Variants in GDF11 observed in about 807,000 individuals in gnomAD.
GDF11 encodes growth/differentiation factor 11.
A neutral mutation model predicts 34.4 loss-of-function variants in GDF11; 12 were observed. That is an observed-to-expected ratio of 0.35 (90% CI 0.22 to 0.57). GDF11 has a LOEUF of 0.57. GDF11 is among the 20% of genes least tolerant of loss of function. The probability of loss-of-function intolerance (pLI) is 0.86; values close to 1 mark genes in which losing one functional copy is unlikely to be tolerated. For synonymous variants in GDF11, 212 were observed against 231.1 expected (o/e 0.92, Z 0.75); for missense variants, 346 against 548.2 (o/e 0.63, Z 3.68).
Position 55,743,478 on chromosome 12 carries a change from C to A in GDF11, c.162C>A (p.Ser54=), listed in dbSNP as rs1324231691. The A allele has an allele frequency of 7.3e-6, 11 of 1,502,118 alleles. No homozygotes were observed. The highest frequency in any genetic ancestry group is 2.8e-5 in the African/African-American group (2 of 71,022). 93.0% of individuals were successfully genotyped at this position (1,502,118 alleles called of 1,614,324 possible). ...AGCGCTCCAGCCGGCCAGCCCCGTC[C>A]GTGGCGCCCGAGCCGGACGGCTGCC... ...GGERSSRPAP[S]VAPEPDGCPV... Residue 54 remains serine (S), a synonymous_variant, in exon 1 of 3, where the codon TCC becomes TCA. Transcript: ENST00000257868.
rs1878502135 is a variant in GDF11 at position 55,756,228 on chromosome 12, C to G, written c.*6346C>G. Reference sequence around the variant, plus strand: ...AAGGTTTATTTGGTTGAAGAGGTGTCAAAAATTTAACCAGCATTCCCTTTT... The same window carrying G: ...AAGGTTTATTTGGTTGAAGAGGTGTGAAAAATTTAACCAGCATTCCCTTTT... On this transcript the variant is annotated 3_prime_UTR_variant, in exon 3 of 3. Coordinates refer to ENST00000257868, the MANE Select transcript of GDF11 (RefSeq NM_005811.5). 1 of 152,134 alleles carries G rather than the reference C, an allele frequency of 6.6e-6. No individual in the cohort carries two copies. Among genetic ancestry groups the G allele is most frequent in the Non-Finnish European group, 1.5e-5 (1 of 68,018 alleles). The allele number at this position is 152,134 out of a possible 1,614,324, so 9.4% of individuals were successfully genotyped here. A position where few individuals can be genotyped will look rare whatever the true frequency, so the allele number is the denominator to read the frequency against.
intron 1 of GDF11, among the ~76,000 whole-genome samples, chr12:55,746,389 C>T (rs1005849035): frequency 2.0e-5 from 3 of 152,196 alleles, no homozygotes; most frequent in Non-Finnish European, 4.4e-5. Flanking sequence ...CCATGATTAT[C>T]CCCTGCATCT....
In GDF11 at chr12:55,743,343, G is replaced by A. The variant is rs1394590718; in HGVS notation, c.27G>A (p.Leu9=). ...TGGTGCTCGCGGCCCCGCTGCTGCT[G>A]GGCTTCCTGCTCCTCGCCCTGGAGC... MVLAAPLL[L]GFLLLALELR... The change falls in exon 1 of 3, where the codon CTG becomes CTA. Residue 9 remains leucine (L), a synonymous_variant. Coordinates refer to ENST00000257868, the MANE Select transcript of GDF11 (RefSeq NM_005811.5). 1.3e-5 allele frequency: 13 copies of A among 986,098 alleles called. No homozygotes were observed. The highest frequency in any genetic ancestry group is 1.8e-5 in the African/African-American group (1 of 56,650). The allele number at this position is 986,098 out of a possible 1,614,324, so 61.1% of individuals were successfully genotyped here.
chr12:55,745,127 G>A (rs1878152876), intron 1 of GDF11, among the ~76,000 whole-genome samples: 1 of 152,110 alleles, frequency 6.6e-6, no homozygotes, highest in East Asian at 1.9e-4. Flanking sequence ...GTCAGTCTCA[G>A]ATCGACTGAG....
chr12:55,743,243 C>G lies in GDF11; in HGVS notation c.-74C>G, dbSNP rs956701585. ...CGCCCGGACCCCCTCCTCCTCCCTCCCTCCTCCCTCCGCCCCCTCCCCGCG... is the reference window on the plus strand; with the variant it reads ...CGCCCGGACCCCCTCCTCCTCCCTCGCTCCTCCCTCCGCCCCCTCCCCGCG... On this transcript the variant is annotated 5_prime_UTR_variant, in exon 1 of 3. Coordinates refer to ENST00000257868, the MANE Select transcript of GDF11 (RefSeq NM_005811.5). 4.3e-6 allele frequency: 2 copies of G among 468,686 alleles called. No individual in the cohort carries two copies. Among genetic ancestry groups the G allele is most frequent in the Non-Finnish European group, 5.5e-6 (2 of 360,956 alleles). The allele number at this position is 468,686 out of a possible 1,614,324, so 29.0% of individuals were successfully genotyped here.
chr12:55,749,115 T>C lies in GDF11; in HGVS notation c.843+132T>C. The C allele has an allele frequency of 1.1e-6, 1 of 928,984 alleles. No homozygotes were observed. Among genetic ancestry groups the C allele is most frequent in the Non-Finnish European group, 1.6e-6 (1 of 636,522 alleles). The allele number at this position is 928,984 out of a possible 1,614,324, so 57.5% of individuals were successfully genotyped here. On this transcript the variant is annotated intron_variant, in intron 2 of 2. Transcript: ENST00000257868. The surrounding 1 kb of genome is among the most constrained non-coding windows in gnomAD (Gnocchi z 5.6). ...TTACTTCTCTGGGGTCAGCAGCTGA[T>C]TCTAGAGGAGGAGGTGAGGAGTGGG... is the stretch of plus-strand genomic sequence containing the variant.
Position 55,743,648 on chromosome 12 carries a change from A to T in GDF11, c.332A>T (p.Gln111Leu). Residue 111 changes from glutamine to leucine, a missense_variant, in exon 1 of 3, where the codon CAG becomes CTG. Coordinates refer to ENST00000257868, the MANE Select transcript of GDF11 (RefSeq NM_005811.5). ...CTGCTGCCCAAGGCGCCGCCGCTGC[A>T]GCAGATCCTGGACCTACACGACTTC... ...KQLLPKAPPL[Q>L]QILDLHDFQG... 1 of 1,604,594 alleles carries T rather than the reference A, an allele frequency of 6.2e-7. No homozygotes were observed. The highest frequency in any genetic ancestry group is 8.5e-7 in the Non-Finnish European group (1 of 1,179,770).
rs1878362666 is a variant in GDF11 at position 55,752,688 on chromosome 12, A to G, written c.*2806A>G. On this transcript the variant is annotated 3_prime_UTR_variant, in exon 3 of 3. Coordinates refer to ENST00000257868, the MANE Select transcript of GDF11 (RefSeq NM_005811.5). ...CTGACAGGGGCATTGGAATGCCAGGAAAGAACTTCTTCAACTGAGATCAAG... is the reference window on the plus strand; with the variant it reads ...CTGACAGGGGCATTGGAATGCCAGGGAAGAACTTCTTCAACTGAGATCAAG... 6.6e-6 allele frequency: 1 copy of G among 152,220 alleles called. No individual in the cohort carries two copies. The highest frequency in any genetic ancestry group is 2.1e-4 in the South Asian group (1 of 4,824). The allele number at this position is 152,220 out of a possible 1,614,324, so 9.4% of individuals were successfully genotyped here. A position where few individuals can be genotyped will look rare whatever the true frequency, so the allele number is the denominator to read the frequency against.
At chr12:55,744,120 G>A (rs1033914216) in intron 1 of GDF11, among the ~76,000 whole-genome samples, 1 of 152,154 alleles carries the variant, frequency 6.6e-6, no homozygotes, top group Admixed American at 6.5e-5. Flanking sequence ...AACAGAATCG[G>A]GAGGCTGCAG....
intron 1 of GDF11, among the ~76,000 whole-genome samples, chr12:55,747,805 A>T (rs1592544337): frequency 6.6e-6 from 1 of 152,186 alleles, no homozygotes; most frequent in Non-Finnish European, 1.5e-5. Flanking sequence ...CATTGTAGTT[A>T]ATCTGGTGTA....
chr12:55,745,847 A>G (rs947763877), intron 1 of GDF11, among the ~76,000 whole-genome samples: 6 of 151,042 alleles, frequency 4.0e-5, no homozygotes, highest in Admixed American at 1.3e-4. Context: ...CATCCTGGGA[A>G]CCCAGCCCCC....
chr12:55,749,084 C>A lies in GDF11; in HGVS notation c.843+101C>A. The stretch of plus-strand genomic sequence containing the variant: ...CAAGGAATGTGAAGGAGGTTGGGGA[C>A]CAGCATTACTTCTCTGGGGTCAGCA... On this transcript the variant is annotated intron_variant, in intron 2 of 2. Coordinates refer to ENST00000257868, the MANE Select transcript of GDF11 (RefSeq NM_005811.5). The surrounding 1 kb of genome is among the most constrained non-coding windows in gnomAD (Gnocchi z 5.6). The A allele has an allele frequency of 1.7e-6, 2 of 1,209,320 alleles. No homozygotes were observed. The highest frequency in any genetic ancestry group is 2.3e-6 in the Non-Finnish European group (2 of 885,820). 74.9% of individuals were successfully genotyped at this position (1,209,320 alleles called of 1,614,324 possible). A position where few individuals can be genotyped will look rare whatever the true frequency, so the allele number is the denominator to read the frequency against.
At position 55,754,906 on chromosome 12, in the gene GDF11, A is replaced by G. The variant is rs1301498951; in HGVS notation, c.*5024A>G. On this transcript the variant is annotated 3_prime_UTR_variant, in exon 3 of 3. Coordinates refer to ENST00000257868, the MANE Select transcript of GDF11 (RefSeq NM_005811.5). ...ACAATATTACATTCTAATCTATCCTATTGAAAGTGATCCGGGAGGTAGAAA... is the reference window on the plus strand; with the variant it reads ...ACAATATTACATTCTAATCTATCCTGTTGAAAGTGATCCGGGAGGTAGAAA... 21 of 152,244 alleles carry G rather than the reference A, an allele frequency of 1.4e-4. No individual in the cohort carries two copies. The highest frequency in any genetic ancestry group is 1.4e-3 in the Admixed American group (21 of 15,276). 9.4% of individuals were successfully genotyped at this position (152,244 alleles called of 1,614,324 possible). A position where few individuals can be genotyped will look rare whatever the true frequency, so the allele number is the denominator to read the frequency against.
In GDF11 at chr12:55,749,346, A is replaced by G. The variant is rs1878253505; in HGVS notation, c.844-156A>G. Among the ~76,000 whole-genome samples, 1 of 152,200 alleles carries G rather than the reference A, an allele frequency of 6.6e-6. No individual in the cohort carries two copies. Among genetic ancestry groups the G allele is most frequent in the South Asian group, 2.1e-4 (1 of 4,836 alleles). ...AAGGAGAGCTAGCTAGCTGGCAAGA[A>G]AAGTGGGCAAAAGATAAATTCTGGG... On this transcript the variant is annotated intron_variant, in intron 2 of 2. Coordinates refer to ENST00000257868, the MANE Select transcript of GDF11 (RefSeq NM_005811.5). The surrounding 1 kb of genome is among the most constrained non-coding windows in gnomAD (Gnocchi z 5.6).
At chr12:55,747,868 A>C (rs1197464858) in intron 1 of GDF11, among the ~76,000 whole-genome samples, 2 of 152,216 alleles carry the variant, frequency 1.3e-5, no homozygotes, top group East Asian at 3.8e-4. Context: ...CCATGGAGGT[A>C]ATTATTCCTT....
chr12:55,749,669 G>A lies in GDF11; in HGVS notation c.1011G>A (p.Lys337=), dbSNP rs370242063. The change falls in exon 3 of 3, where the codon AAG becomes AAA. Residue 337 remains lysine, a synonymous_variant. Coordinates refer to ENST00000257868, the MANE Select transcript of GDF11 (RefSeq NM_005811.5). This position sits in a 1 kb window ranked among gnomAD's most constrained non-coding sequence, Gnocchi z 5.6. ...WDWIIAPKRY[K]ANYCSGQCEY... The stretch of plus-strand genomic sequence containing the variant: ...GGATCATCGCACCTAAGCGCTACAA[G>A]GCCAACTACTGCTCCGGCCAGTGCG... 4 of 1,614,116 alleles carry A rather than the reference G, an allele frequency of 2.5e-6. No homozygotes were observed. Among genetic ancestry groups the A allele is most frequent in the Non-Finnish European group, 3.4e-6 (4 of 1,180,030 alleles).
rs1439098814 is a variant in GDF11, at chr12:55,749,223, G to C, written c.843+240G>C. ...AAGGTAAAGGTGTCAGTTAATGGAA[G>C]AGCTGTGAGAACAAAAAAACTGGCT... On this transcript the variant is annotated intron_variant, in intron 2 of 2. Transcript: ENST00000257868. The surrounding 1 kb of genome is among the most constrained non-coding windows in gnomAD (Gnocchi z 5.6). Among the ~76,000 whole-genome samples the C allele has an allele frequency of 2.0e-5, 3 of 152,134 alleles. No homozygotes were observed. The highest frequency in any genetic ancestry group is 4.4e-5 in the Non-Finnish European group (3 of 67,998).
chr12:55,744,557 C>T (rs540675800), intron 1 of GDF11, among the ~76,000 whole-genome samples: 2 of 152,134 alleles, frequency 1.3e-5, no homozygotes, highest in South Asian at 4.2e-4. Context: ...GGCATCCGAG[C>T]CCCTGACCAA....
At position 55,751,843 on chromosome 12, in the gene GDF11, C is replaced by T. The variant is rs1251184262; in HGVS notation, c.*1961C>T. ...GTACTGAACTAAAGTAAAGCCCAAG[C>T]TGGTGAGCAAAACTGGATGGCTCAT... On this transcript the variant is annotated 3_prime_UTR_variant, in exon 3 of 3. Coordinates refer to ENST00000257868, the MANE Select transcript of GDF11 (RefSeq NM_005811.5). 1 of 152,242 alleles carries T rather than the reference C, an allele frequency of 6.6e-6. No individual in the cohort carries two copies. Among genetic ancestry groups the T allele is most frequent in the Non-Finnish European group, 1.5e-5 (1 of 68,078 alleles). The allele number at this position is 152,242 out of a possible 1,614,324, so 9.4% of individuals were successfully genotyped here.
Sources: allele counts gnomAD v4.1 joint callset (sites outside exome capture counted in the v4.1 genomes callset), GRCh38; gene constraint gnomAD v4.1.1; non-coding constraint Gnocchi (gnomAD v3.1); transcripts MANE v1.5; gene names NCBI Gene and HGNC (gene_info 2026-07-23, HGNC 2026-07-21).